Variants in SLC2A14 observed in about 807,000 individuals in gnomAD.
The protein encoded by SLC2A14 is solute carrier family 2, facilitated glucose transporter member 14.
Under a neutral mutation model 43.0 loss-of-function variants are expected in SLC2A14, and 13 were observed. That is an observed-to-expected ratio of 0.30 (90% confidence interval 0.20 to 0.48). SLC2A14 has a LOEUF of 0.48. SLC2A14 is among the 20% of genes least tolerant of loss of function. SLC2A14 has a pLI of 0.99. For synonymous variants in SLC2A14, 190 were observed against 233.8 expected (o/e 0.81, Z 1.71); for missense variants, 428 against 620.4 (o/e 0.69, Z 3.29).
At chr12:7,858,892 G>C (rs1944396679) in intron 2 of SLC2A14, among the ~76,000 whole-genome samples, 3 of 152,080 alleles carry the variant, frequency 2.0e-5, no homozygotes, top group Admixed American at 1.3e-4. Context: ...CCCAATCCAA[G>C]ATCACAAACA....
chr12:7,865,212 C>CCATA (rs1944839735), intron 2 of SLC2A14, among the ~76,000 whole-genome samples: 1 of 152,080 alleles, frequency 6.6e-6, no homozygotes, highest in African/African-American at 2.4e-5. Context: ...TTGGCATGAA[C>CCATA]CATACCTATA....
Position 7,863,382 on chromosome 12 carries a change from G to A in SLC2A14, c.18+6481C>T, listed in dbSNP as rs539921769. 411 of 453,322 alleles carry A rather than the reference G, an allele frequency of 9.1e-4. 2 individuals are homozygous for A. Among genetic ancestry groups the A allele is most frequent in the South Asian group, 5.8e-3 (373 of 64,432 alleles). The allele number at this position is 453,322 out of a possible 1,614,324, so 28.1% of individuals were successfully genotyped here. A position where few individuals can be genotyped will look rare whatever the true frequency, so the allele number is the denominator to read the frequency against. ...TGTAACACTCACTGCGAGGGTGTGCGGCTTCATTCTTGAAGTCAGTGAGAC... is the reference window on the plus strand; with the variant it reads ...TGTAACACTCACTGCGAGGGTGTGCAGCTTCATTCTTGAAGTCAGTGAGAC... On this transcript the variant is annotated intron_variant, in intron 2 of 10. Coordinates refer to ENST00000431042, the MANE Select transcript of SLC2A14 (RefSeq NM_001286234.2).
intron 2 of SLC2A14, among the ~76,000 whole-genome samples, chr12:7,838,357 A>G (rs1215032388): frequency 6.6e-6 from 1 of 152,112 alleles, no homozygotes; most frequent in Admixed American, 6.6e-5. Context: ...AAGTGCTGGG[A>G]TTACAGGTGT....
intron 2 of SLC2A14, among the ~76,000 whole-genome samples, chr12:7,849,240 T>C (rs751648463): frequency 1.3e-5 from 2 of 152,156 alleles, no homozygotes; most frequent in South Asian, 2.1e-4. Context: ...TGGTGGCTCA[T>C]GCCTGTAATC....
At chr12:7,828,093 G>A (rs564288105) in intron 6 of SLC2A14, among the ~76,000 whole-genome samples, 193 of 152,200 alleles carry the variant, frequency 1.3e-3, no homozygotes, top group Non-Finnish European at 1.9e-3. Context: ...GTTGGGCGCG[G>A]TGGCTCACAC....
At chr12:7,817,454 C>T (rs1173466736) in intron 10 of SLC2A14, among the ~76,000 whole-genome samples, 2 of 151,686 alleles carry the variant, frequency 1.3e-5, no homozygotes, top group Non-Finnish European at 2.9e-5. Context: ...AATATGTCAG[C>T]CTACGTAGGC....
chr12:7,883,363 T>C (rs1300025982), intron 1 of SLC2A14, among the ~76,000 whole-genome samples: 1 of 148,620 alleles, frequency 6.7e-6, no homozygotes, highest in Non-Finnish European at 1.5e-5. Flanking sequence ...GCCTCCTGGG[T>C]TCACGCCATT....
intron 2 of SLC2A14, among the ~76,000 whole-genome samples, chr12:7,861,255 G>A (rs879295710): frequency 6.6e-6 from 1 of 151,860 alleles, no homozygotes; most frequent in Non-Finnish European, 1.5e-5. Flanking sequence ...TTTTTTGGTG[G>A]GGGGGAGGCT....
intron 2 of SLC2A14, among the ~76,000 whole-genome samples, chr12:7,859,495 A>T (rs1325369859): frequency 6.6e-6 from 1 of 152,132 alleles, no homozygotes; most frequent in African/African-American, 2.4e-5. Flanking sequence ...ATTATACATG[A>T]CCAGGGCTAG....
chr12:7,861,466 A>G (rs1009323491), intron 2 of SLC2A14, among the ~76,000 whole-genome samples: 8 of 151,968 alleles, frequency 5.3e-5, no homozygotes, highest in Non-Finnish European at 1.0e-4. Flanking sequence ...CCCTTTTGGG[A>G]AAAAGCAGGT....
intron 2 of SLC2A14, among the ~76,000 whole-genome samples, chr12:7,853,033 T>A (rs767819643): frequency 6.6e-6 from 1 of 152,286 alleles, no homozygotes; most frequent in South Asian, 2.1e-4. Flanking sequence ...AAAATGTTAA[T>A]ATCTGATAGC....
intron 7 of SLC2A14, among the ~76,000 whole-genome samples, chr12:7,822,530 G>A (rs950747399): frequency 7.2e-5 from 11 of 151,972 alleles, no homozygotes; most frequent in South Asian, 2.1e-4. Context: ...TTAGCCAGGC[G>A]TGGTGGCGGG....
rs58838986 is a variant in SLC2A14, at chr12:7,878,976, CAAAAAAAAAAAAAA to C, written c.132+12006_132+12019del. ...TGGGCGACACAGCAAGAGTCCGTCT[CAAAAAAAAAAAAAA>C]AAAAAAAAAAAAAAACAATTTGTCT... is the stretch of plus-strand genomic sequence containing the variant. On this transcript the variant is annotated intron_variant, in intron 1 of 9. Coordinates refer to the SLC2A14 transcript ENST00000539924. Among the ~76,000 whole-genome samples the C allele has an allele frequency of 8.7e-4, 60 of 69,322 alleles. 2 individuals carry two copies. Among genetic ancestry groups the C allele is most frequent in the Middle Eastern group, 0.01 (1 of 100 alleles). 45.5% of individuals were successfully genotyped at this position (69,322 alleles called of 152,430 possible).
chr12:7,875,003 TACA>T (rs1204371123), upstream of SLC2A14, among the ~76,000 whole-genome samples: 7 of 105,560 alleles, frequency 6.6e-5, no homozygotes, highest in Non-Finnish European at 8.5e-5. Flanking sequence ...TATATATAAA[TACA>T]TATATAAAAA....
intron 2 of SLC2A14, among the ~76,000 whole-genome samples, chr12:7,853,429 CAAAAAAAA>C (rs35414391): frequency 3.9e-4 from 33 of 84,620 alleles, no homozygotes; most frequent in East Asian, 6.2e-4. Flanking sequence ...GACTCCATTT[CAAAAAAAA>C]AAAAAAAAAA....
intron 2 of SLC2A14, among the ~76,000 whole-genome samples, chr12:7,860,150 C>A (rs961885182): frequency 1.3e-5 from 2 of 151,994 alleles, no homozygotes; most frequent in Non-Finnish European, 2.9e-5. Flanking sequence ...CCAGTACTGG[C>A]CCTGGAGAAA....
At chr12:7,873,238 A>G (rs1273740606), upstream of SLC2A14, 2 of 985,086 alleles carry the variant, frequency 2.0e-6, no homozygotes, top group East Asian at 2.3e-4. Flanking sequence ...GAACGTATCT[A>G]TTTTCAAAGA....
chr12:7,835,538 G>C (rs1865378648), intron 2 of SLC2A14, among the ~76,000 whole-genome samples: 1 of 152,212 alleles, frequency 6.6e-6, no homozygotes, highest in African/African-American at 2.4e-5. Context: ...TCTGCAGAAT[G>C]TAAATCTCAA....
intron 2 of SLC2A14, among the ~76,000 whole-genome samples, chr12:7,842,489 A>T (rs1346322149): frequency 6.6e-6 from 1 of 152,218 alleles, no homozygotes; most frequent in Non-Finnish European, 1.5e-5. Flanking sequence ...TCTTCTATAC[A>T]AGTGCCAATA....
Sources: allele counts gnomAD v4.1 joint callset (sites outside exome capture counted in the v4.1 genomes callset), GRCh38; gene constraint gnomAD v4.1.1; transcripts MANE v1.5; gene names NCBI Gene and HGNC (gene_info 2026-07-23, HGNC 2026-07-21).